Variants in SYN1 observed in about 807,000 individuals in gnomAD.
The protein encoded by SYN1 is synapsin-1.
SYN1 carries 8 observed loss-of-function variants against 44.6 expected under a neutral mutation model. That is an observed-to-expected ratio of 0.18 (90% CI 0.11 to 0.32). The LOEUF (loss-of-function observed/expected upper bound fraction) is 0.32, where lower values mean the gene tolerates loss of function less well. SYN1 is among the 10% of genes least tolerant of loss of function. The pLI, the probability that SYN1 is intolerant of heterozygous loss-of-function variation, is 1.00. For synonymous variants in SYN1, 275 were observed against 280.1 expected (o/e 0.98, Z 0.18); for missense variants, 451 against 639.4 (o/e 0.71, Z 3.18).
chrX:47,586,080 C>A (rs2057824884), intron 5 of SYN1: 1 of 952,582 alleles, frequency 1.0e-6, no homozygotes, highest in African/African-American at 2.0e-5. Context: ...ATTCCAGACA[C>A]CAGAGGGTGT....
intron 5 of SYN1, chrX:47,583,573 T>C: frequency 1.7e-6 from 2 of 1,155,805 alleles, no homozygotes; most frequent in Non-Finnish European, 2.3e-6. Flanking sequence ...ACACTCTGCC[T>C]TGGTTTCCCT....
chrX:47,577,237 C>T (rs780553007), intron 6 of SYN1, among the ~76,000 whole-genome samples: 2 of 110,922 alleles, frequency 1.8e-5, no homozygotes, highest in South Asian at 7.6e-4. Context: ...TCGATGAGGT[C>T]AGCTGAATGT....
At chrX:47,582,715 C>A (rs1353078706) in intron 5 of SYN1, 1 of 214,822 alleles carries the variant, frequency 4.7e-6, no homozygotes, top group African/African-American at 3.9e-5. Context: ...AACCCATGAC[C>A]CCCTAATATC....
chrX:47,603,346 G>A (rs2057885573), intron 5 of SYN1, among the ~76,000 whole-genome samples: 1 of 111,126 alleles, frequency 9.0e-6, no homozygotes, highest in Admixed American at 9.6e-5. Context: ...ACAGGTGTAT[G>A]CCACCATGCC....
intron 1 of SYN1, among the ~76,000 whole-genome samples, chrX:47,615,654 C>A (rs1457685838): frequency 8.9e-6 from 1 of 111,993 alleles, no homozygotes; most frequent in Non-Finnish European, 1.9e-5. Flanking sequence ...AGCCTGTAAT[C>A]CCAGCACTCT....
At chrX:47,576,996 A>G (rs2057779755) in intron 6 of SYN1, among the ~76,000 whole-genome samples, 1 of 111,964 alleles carries the variant, frequency 8.9e-6, no homozygotes, top group Non-Finnish European at 1.9e-5. Flanking sequence ...TGTACACACA[A>G]CATGCTAAGA....
In SYN1 at chrX:47,576,041, G is replaced by T. The variant is rs945745678; in HGVS notation, c.1158+90C>A. On this transcript the variant is annotated intron_variant, in intron 9 of 12. Transcript: ENST00000295987. ...ACTAAGCACATTGCTGTTGGCTGAG[G>T]ACCTCTGTGCCATGGAGTGCTTCAG... 6.8e-5 allele frequency: 63 copies of T among 929,519 alleles called. No homozygotes were observed. The African/African-American group carries it at 9.6e-4, about 14-fold the overall frequency. The allele number at this position is 929,519 out of a possible 1,213,427, so 76.6% of individuals were successfully genotyped here.
At chrX:47,612,407 A>G (rs1191230362) in intron 1 of SYN1, among the ~76,000 whole-genome samples, 1 of 110,707 alleles carries the variant, frequency 9.0e-6, no homozygotes, top group Non-Finnish European at 1.9e-5. Flanking sequence ...AGAACCAAGC[A>G]AGGTGCATGA....
rs1349837524 is a variant in SYN1 at position 47,572,142 on chromosome X, G to A, written c.*722C>T. ...GACACCACAGCAAAGGTGGGGAAGC[G>A]GAGACCACTGGCCTTCCGTGTGCAA... On this transcript the variant is annotated 3_prime_UTR_variant, in exon 13 of 13. Transcript: ENST00000295987. The A allele has an allele frequency of 8.0e-6, 1 of 124,639 alleles. No homozygotes were observed. The highest frequency in any genetic ancestry group is 3.2e-5 in the African/African-American group (1 of 31,017). 10.3% of individuals were successfully genotyped at this position (124,639 alleles called of 1,213,427 possible).
rs1404403646 is a variant in SYN1 at position 47,578,744 on chromosome X, C to G, written c.775-1243G>C. 5.4e-5 allele frequency among the ~76,000 whole-genome samples: 6 copies of G among 111,897 alleles called. No individual in the cohort carries two copies. In the Admixed American group the frequency reaches 5.6e-4, roughly 11 times the overall value. The stretch of plus-strand genomic sequence containing the variant: ...CACAGTGCCCCTCTGGTGGCCCTCC[C>G]TCTCGCTGACAAGGTAGAGAGATGG... On this transcript the variant is annotated intron_variant, in intron 5 of 12. Transcript: ENST00000295987.
At position 47,619,766 on chromosome X, in the gene SYN1, G is replaced by A. The variant is rs1603078934; in HGVS notation, c.-38C>T. On this transcript the variant is annotated 5_prime_UTR_variant, in exon 1 of 13. Coordinates refer to ENST00000295987, the MANE Select transcript of SYN1 (RefSeq NM_006950.3). ...GGGCAGGGGGTCCTAGGGGTGGTCT[G>A]GCCAGGAGCCGCGGGGGCGGACTGC... 17 of 1,145,646 alleles carry A rather than the reference G, an allele frequency of 1.5e-5. No homozygotes were observed. In the East Asian group the frequency reaches 5.7e-4, roughly 38 times the overall value. The allele number at this position is 1,145,646 out of a possible 1,213,427, so 94.4% of individuals were successfully genotyped here. A position where few individuals can be genotyped will look rare whatever the true frequency, so the allele number is the denominator to read the frequency against.
At chrX:47,609,890 A>T in intron 1 of SYN1, among the ~76,000 whole-genome samples, 1 of 111,240 alleles carries the variant, frequency 9.0e-6, no homozygotes, top group African/African-American at 3.3e-5. Context: ...AGGGTTTTGG[A>T]GTAGCGGTGA....
At chrX:47,578,632 C>A (rs1250686787) in intron 5 of SYN1, among the ~76,000 whole-genome samples, 1 of 111,759 alleles carries the variant, frequency 8.9e-6, no homozygotes, top group Non-Finnish European at 1.9e-5. Flanking sequence ...CCTCAAGTCT[C>A]CCCCGCTCCT....
At chrX:47,597,160 C>G (rs1022401359) in intron 5 of SYN1, among the ~76,000 whole-genome samples, 3 of 109,176 alleles carry the variant, frequency 2.7e-5, no homozygotes, top group Non-Finnish European at 5.7e-5. Context: ...ACGGTGAAAC[C>G]CCCCTCTCAA....
At chrX:47,581,413 G>A (rs1282427927) in intron 5 of SYN1, among the ~76,000 whole-genome samples, 1 of 112,155 alleles carries the variant, frequency 8.9e-6, no homozygotes, top group Non-Finnish European at 1.9e-5. Context: ...AGGGGTACAG[G>A]TCCATGGGGA....
chrX:47,603,175 C>T (rs2057885121), intron 5 of SYN1, among the ~76,000 whole-genome samples: 1 of 111,161 alleles, frequency 9.0e-6, no homozygotes, highest in African/African-American at 3.3e-5. Context: ...ACTGTTTGTA[C>T]TAATGGTTTA....
At chrX:47,602,710 C>T (rs1212287433) in intron 5 of SYN1, among the ~76,000 whole-genome samples, 1 of 111,173 alleles carries the variant, frequency 9.0e-6, no homozygotes, top group Admixed American at 9.5e-5. Flanking sequence ...ACACTGTTGA[C>T]GTATATCAGT....
rs1329415218 is a variant in SYN1, at chrX:47,574,099, C to T, written c.1885G>A (p.Ala629Thr). 1.8e-6 allele frequency: 2 copies of T among 1,123,925 alleles called. No homozygotes were observed. Among genetic ancestry groups the T allele is most frequent in the Non-Finnish European group, 2.3e-6 (2 of 856,318 alleles). The allele number at this position is 1,123,925 out of a possible 1,213,427, so 92.6% of individuals were successfully genotyped here. A position where few individuals can be genotyped will look rare whatever the true frequency, so the allele number is the denominator to read the frequency against. ...QQPRPSGPGPAGRPKPQLAQK... is the reference protein window; with the variant it reads ...QQPRPSGPGPTGRPKPQLAQK... The stretch of plus-strand genomic sequence containing the variant: ...GCCAGCTGTGGTTTGGGACGTCCAG[C>T]GGGGCCCGGGCCGCTGGGCCGAGGC... Residue 629 changes from alanine (A) to threonine (T), a missense_variant, in exon 12 of 13, where the codon GCT (alanine) becomes ACT (threonine). Ala to Thr is a moderately conservative substitution (Grantham distance 58). Transcript: ENST00000295987.
chrX:47,603,755 A>G (rs971579389), intron 5 of SYN1, among the ~76,000 whole-genome samples: 21 of 110,531 alleles, frequency 1.9e-4, no homozygotes, highest in African/African-American at 6.5e-4. Flanking sequence ...TAATAACAGC[A>G]ATAATCTTTG....
Sources: gnomAD v4.1 joint callset for allele counts (sites outside exome capture counted in the v4.1 genomes callset) on GRCh38, gnomAD v4.1.1 for gene constraint, MANE v1.5 for transcripts, NCBI Gene and HGNC (gene_info 2026-07-23, HGNC 2026-07-21) for gene names.